Variants in MTF2 observed in about 807,000 individuals in gnomAD.
MTF2 encodes the protein metal-response element-binding transcription factor 2.
A neutral mutation model predicts 79.5 loss-of-function variants in MTF2; 11 were observed. The ratio of observed to expected loss-of-function variants is 0.14; its 90% confidence interval spans 0.09 to 0.23. The LOEUF is 0.23. MTF2 is among the 10% of genes least tolerant of loss of function. The pLI is 1.00. For synonymous variants in MTF2, 208 were observed against 232.8 expected, an observed-to-expected ratio of 0.89 and a Z score of 0.97; for missense variants, 486 against 711.2, an observed-to-expected ratio of 0.68 and a Z score of 3.60.
chr1:93,122,482 GAA>G (rs1283982173), intron 9 of MTF2, among the ~76,000 whole-genome samples: 1 of 152,076 alleles, frequency 6.6e-6, no homozygotes, highest in African/African-American at 2.4e-5. Flanking sequence ...TATTTTTCAA[GAA>G]AAGAGTTCAG....
chr1:93,120,284 C>T (rs1341092117), intron 8 of MTF2: 5 of 200,650 alleles, frequency 2.5e-5, no homozygotes, highest in African/African-American at 6.1e-5. Context: ...GGGCAATCAG[C>T]GAAACTCTGT....
intron 3 of MTF2, 54 bp downstream of exon 3, chr1:93,110,680 C>T (rs1655992488): frequency 7.3e-7 from 1 of 1,367,862 alleles, no homozygotes; most frequent in East Asian, 2.3e-5. Context: ...TGATTTTCTT[C>T]AACTTGTCAT....
intron 11 of MTF2, among the ~76,000 whole-genome samples, chr1:93,130,099 GCTTT>G: frequency 6.6e-6 from 1 of 152,244 alleles, no homozygotes; most frequent in East Asian, 1.9e-4. Context: ...AAGTGCAAAG[GCTTT>G]GAAACATATT....
intron 14 of MTF2, among the ~76,000 whole-genome samples, chr1:93,135,425 T>A (rs1480724283): frequency 6.6e-6 from 1 of 152,266 alleles, no homozygotes; most frequent in Non-Finnish European, 1.5e-5. Flanking sequence ...AATTCTACAT[T>A]AAATGCTTAA....
intron 1 of MTF2, among the ~76,000 whole-genome samples, chr1:93,096,808 CT>C (rs961849389): frequency 2.7e-4 from 37 of 136,198 alleles, no homozygotes; most frequent in Admixed American, 3.7e-4. Context: ...TTTTCTTTTT[CT>C]TTTTTTTTTT....
chr1:93,107,221 T>TTTTG (rs999317135), intron 1 of MTF2, among the ~76,000 whole-genome samples: 3 of 152,042 alleles, frequency 2.0e-5, no homozygotes, highest in Admixed American at 6.6e-5. Flanking sequence ...TAAGAATGTT[T>TTTTG]TTTGTTTGTT....
intron 7 of MTF2, 76 bp from the exon 8 acceptor site, chr1:93,119,257 G>T: frequency 1.0e-6 from 1 of 1,001,000 alleles, no homozygotes; most frequent in Non-Finnish European, 1.5e-6. Context: ...TATTCACTTG[G>T]TGAATATTAG....
Position 93,115,085 on chromosome 1 carries a change from A to T in MTF2, c.480A>T (p.Thr160=). 6.3e-7 allele frequency: 1 copy of T among 1,594,082 alleles called. No individual in the cohort carries two copies. ...LCRQCVFATT[T]KRGGALKKGP... ...GGCAGTGTGTTTTTGCAACAACAACAAAGGTATATTTTAAGTGTTTTGGGC... is the reference window on the plus strand; with the variant it reads ...GGCAGTGTGTTTTTGCAACAACAACTAAGGTATATTTTAAGTGTTTTGGGC... Residue 160 remains threonine (T), a synonymous_variant, in exon 5 of 15, where the codon ACA becomes ACT. Coordinates refer to ENST00000370298, the MANE Select transcript of MTF2 (RefSeq NM_007358.4).
Position 93,129,284 on chromosome 1 carries a change from G to T in MTF2, c.996G>T (p.Met332Ile). 4 of 1,554,550 alleles carry T rather than the reference G, an allele frequency of 2.6e-6. No homozygotes were observed. Among genetic ancestry groups the T allele is most frequent in the Non-Finnish European group, 3.5e-6 (4 of 1,146,464 alleles). Residue 332 changes from methionine (M) to isoleucine (I), a missense_variant, in exon 11 of 15, where the codon ATG becomes ATT. Physicochemically the swap from Met to Ile is conservative, Grantham distance 10 (BLOSUM62 1). Around this residue, in one of 4 missense-constraint regions of MTF2, gnomAD observed 177 missense variants for 364.0 expected, o/e 0.49. Transcript: ENST00000370298. ...AATTTTTTTAAAAATTTAGGTTTAT[G>T]TCTGGGAAAGAAATAAAGAAGAAGA... ...EALNDYKTMF[M>I]SGKEIKKKKH...
At chr1:93,105,143 CA>C (rs11372021) in intron 1 of MTF2, among the ~76,000 whole-genome samples, 9 of 110,486 alleles carry the variant, frequency 8.1e-5, no homozygotes, top group Admixed American at 4.1e-4. Context: ...GACTCCGTCT[CA>C]AAAAAAAAAA....
intron 1 of MTF2, among the ~76,000 whole-genome samples, chr1:93,091,139 A>G (rs1306635178): frequency 1.3e-5 from 2 of 152,158 alleles, no homozygotes; most frequent in Non-Finnish European, 2.9e-5. Context: ...CTGGCATTTG[A>G]AGTCAGTGCT....
At chr1:93,122,765 A>G (rs1205466259) in intron 9 of MTF2, among the ~76,000 whole-genome samples, 1 of 152,124 alleles carries the variant, frequency 6.6e-6, no homozygotes, top group Non-Finnish European at 1.5e-5. Context: ...AGACTTTGGT[A>G]ACTGACAGAT....
In MTF2 at chr1:93,129,265, T is replaced by C. The variant is rs750308889; in HGVS notation, c.990-13T>C. On this transcript the variant is annotated splice_polypyrimidine_tract_variant and intron_variant, in intron 10 of 14. Transcript: ENST00000370298. ...AGTTTTTAAAATTTTAGTTAATTTT[T>C]TTAAAAATTTAGGTTTATGTCTGGG... 4 of 1,520,870 alleles carry C rather than the reference T, an allele frequency of 2.6e-6. No homozygotes were observed. In the South Asian group the frequency reaches 5.2e-5, roughly 20 times the overall value. 94.2% of individuals were successfully genotyped at this position (1,520,870 alleles called of 1,614,324 possible). A position where few individuals can be genotyped will look rare whatever the true frequency, so the allele number is the denominator to read the frequency against.
At chr1:93,095,929 C>G (rs780538606) in intron 1 of MTF2, among the ~76,000 whole-genome samples, 4 of 152,190 alleles carry the variant, frequency 2.6e-5, no homozygotes, top group Non-Finnish European at 5.9e-5. Context: ...GCTGGGATTG[C>G]AGGCGTGAGC....
rs1292772390 is a variant in MTF2 at position 93,134,232 on chromosome 1, T to A, written c.1424+37T>A. 5.6e-6 allele frequency: 8 copies of A among 1,419,498 alleles called. 1 individual carries two copies. In the South Asian group the frequency reaches 9.8e-5, roughly 17 times the overall value. The allele number at this position is 1,419,498 out of a possible 1,614,324, so 87.9% of individuals were successfully genotyped here. A position where few individuals can be genotyped will look rare whatever the true frequency, so the allele number is the denominator to read the frequency against. On this transcript the variant is annotated intron_variant, in intron 14 of 14. Coordinates refer to ENST00000370298, the MANE Select transcript of MTF2 (RefSeq NM_007358.4). ...ACATTCTTATTTTTTTTACTTTTTT[T>A]ACTCTAGATTTCTTTTCTTTGTAAA...
intron 1 of MTF2, among the ~76,000 whole-genome samples, chr1:93,109,164 T>C (rs1045820153): frequency 1.3e-5 from 2 of 152,160 alleles, no homozygotes; most frequent in African/African-American, 4.8e-5. Context: ...TAGTGAAAAA[T>C]CTAATTTGGA....
chr1:93,113,517 G>A (rs1202418509), intron 3 of MTF2, among the ~76,000 whole-genome samples: 2 of 152,186 alleles, frequency 1.3e-5, no homozygotes, highest in Admixed American at 6.5e-5. Context: ...CTGTATGTCC[G>A]AGAGTAGAGT....
At chr1:93,107,221 TTTTG>T (rs999317135) in intron 1 of MTF2, among the ~76,000 whole-genome samples, 152 of 152,158 alleles carry the variant, frequency 1.0e-3, no homozygotes, top group African/African-American at 3.5e-3. Context: ...TAAGAATGTT[TTTTG>T]TTTGTTTGTT....
chr1:93,103,460 C>G (rs1158732393), intron 1 of MTF2, among the ~76,000 whole-genome samples: 1 of 151,168 alleles, frequency 6.6e-6, no homozygotes, highest in Non-Finnish European at 1.5e-5. Context: ...TTACATTGTT[C>G]AAGATACATT....
Sources: allele counts gnomAD v4.1 joint callset (sites outside exome capture counted in the v4.1 genomes callset), GRCh38; gene constraint gnomAD v4.1.1; regional missense constraint gnomAD v4.1.1; transcripts MANE v1.5; gene names NCBI Gene and HGNC (gene_info 2026-07-23, HGNC 2026-07-21).